Variants in GALNT17 observed in about 807,000 individuals in gnomAD.
GALNT17 encodes the protein polypeptide N-acetylgalactosaminyltransferase 17.
Under a neutral mutation model 63.7 loss-of-function variants are expected in GALNT17, and 29 were observed. The observed-to-expected ratio is 0.46, with a 90% CI of 0.34 to 0.62. GALNT17 has a LOEUF of 0.62. GALNT17 is among the 20% of genes least tolerant of loss of function. The pLI, the probability that GALNT17 is intolerant of heterozygous loss-of-function variation, is 0.01. For synonymous variants in GALNT17, 305 were observed against 318.3 expected (o/e 0.96, Z 0.45); for missense variants, 603 against 799.6 (o/e 0.75, Z 2.97).
At chr7:71,260,455 G>A (rs187465405) in intron 1 of GALNT17, among the ~76,000 whole-genome samples, 1 of 152,158 alleles carries the variant, frequency 6.6e-6, no homozygotes, top group African/African-American at 2.4e-5. Context: ...TTTGCCAAGG[G>A]AAATGGGGAA....
At chr7:71,504,953 C>A (rs375618720) in intron 5 of GALNT17, among the ~76,000 whole-genome samples, 38 of 152,112 alleles carry the variant, frequency 2.5e-4, no homozygotes, top group African/African-American at 9.2e-4. Context: ...TTGCTTTCAT[C>A]CCCTCCTGAC....
chr7:71,194,189 G>GT (rs943043438), intron 1 of GALNT17, among the ~76,000 whole-genome samples: 1 of 152,018 alleles, frequency 6.6e-6, no homozygotes, highest in African/African-American at 2.4e-5. Context: ...GGGACTACAG[G>GT]TACACACCAT....
At chr7:71,600,236 C>CTAA (rs1789946114) in intron 6 of GALNT17, among the ~76,000 whole-genome samples, 1 of 126,938 alleles carries the variant, frequency 7.9e-6, no homozygotes, top group Admixed American at 8.1e-5. Flanking sequence ...GGAAGGAAGG[C>CTAA]AATTAGGGAA....
At chr7:71,283,131 A>T (rs1416165975) in intron 1 of GALNT17, among the ~76,000 whole-genome samples, 2 of 129,906 alleles carry the variant, frequency 1.5e-5, no homozygotes, top group Non-Finnish European at 3.2e-5. Flanking sequence ...TCCTAGGGTC[A>T]AGTGATCCTC....
intron 1 of GALNT17, among the ~76,000 whole-genome samples, chr7:71,219,413 G>A (rs1005742314): frequency 7.6e-6 from 1 of 132,154 alleles, no homozygotes; most frequent in Non-Finnish European, 1.8e-5. Context: ...TGTTTCCTCT[G>A]CCATCTCTGT....
chr7:71,320,824 C>A (rs1285648048), intron 1 of GALNT17, among the ~76,000 whole-genome samples: 1 of 152,112 alleles, frequency 6.6e-6, no homozygotes. Context: ...TCTTCCTTAT[C>A]CTTCTGATTT....
At chr7:71,170,729 T>C (rs1788533000) in intron 1 of GALNT17, among the ~76,000 whole-genome samples, 1 of 152,136 alleles carries the variant, frequency 6.6e-6, no homozygotes. Context: ...ATTTTAACAC[T>C]GGCAAAGGGA....
chr7:71,411,200 A>C (rs902090800), intron 3 of GALNT17, among the ~76,000 whole-genome samples: 6 of 152,024 alleles, frequency 3.9e-5, no homozygotes, highest in Non-Finnish European at 8.8e-5. Context: ...AGCTCACTGC[A>C]ACCCCTGCCC....
chr7:71,406,657 G>A (rs768026948), intron 3 of GALNT17, among the ~76,000 whole-genome samples: 3 of 151,638 alleles, frequency 2.0e-5, no homozygotes, highest in Non-Finnish European at 2.9e-5. Context: ...AATAGTCTTT[G>A]TAGGGCTGCT....
chr7:71,432,488 T>C (rs1786885730), intron 5 of GALNT17, among the ~76,000 whole-genome samples: 1 of 152,148 alleles, frequency 6.6e-6, no homozygotes, highest in Non-Finnish European at 1.5e-5. Context: ...AAGACACTCT[T>C]ATCAGGTAGG....
chr7:71,665,622 C>A, intron 7 of GALNT17, 26 bp downstream of exon 7: 1 of 1,601,696 alleles, frequency 6.2e-7, no homozygotes, highest in Admixed American at 1.8e-5. Flanking sequence ...CTTTCCCCAC[C>A]ACCCCAGTAC....
chr7:71,299,019 G>T (rs542777442), intron 1 of GALNT17, among the ~76,000 whole-genome samples: 1 of 152,004 alleles, frequency 6.6e-6, no homozygotes, highest in Admixed American at 6.6e-5. Context: ...ACTGACTATC[G>T]GAGTTCCAAA....
chr7:71,191,314 T>C (rs1788947973), intron 1 of GALNT17, among the ~76,000 whole-genome samples: 1 of 152,044 alleles, frequency 6.6e-6, no homozygotes. Flanking sequence ...TGCATATATA[T>C]TCTTTTGTCT....
intron 1 of GALNT17, among the ~76,000 whole-genome samples, chr7:71,176,378 G>A (rs1788639112): frequency 6.6e-6 from 1 of 152,058 alleles, no homozygotes; most frequent in Non-Finnish European, 1.5e-5. Context: ...CCCGTCCAGG[G>A]GCTAAAGTGG....
At chr7:71,282,725 A>G (rs1790800117) in intron 1 of GALNT17, among the ~76,000 whole-genome samples, 1 of 150,868 alleles carries the variant, frequency 6.6e-6, no homozygotes, top group Non-Finnish European at 1.5e-5. Context: ...GTCTGCTTCT[A>G]TGGGGAGGGT....
At chr7:71,358,949 A>G (rs901534282) in intron 2 of GALNT17, among the ~76,000 whole-genome samples, 3 of 151,640 alleles carry the variant, frequency 2.0e-5, no homozygotes, top group African/African-American at 4.8e-5. Context: ...ACTTTTTTGG[A>G]GTTTTAGTAG....
At chr7:71,470,612 G>A (rs1787612218) in intron 5 of GALNT17, among the ~76,000 whole-genome samples, 1 of 152,038 alleles carries the variant, frequency 6.6e-6, no homozygotes, top group South Asian at 2.1e-4. Context: ...TGCAACCTAG[G>A]CAGGGATTTA....
chr7:71,215,670 A>G (rs1310367383), intron 1 of GALNT17, among the ~76,000 whole-genome samples: 1 of 151,990 alleles, frequency 6.6e-6, no homozygotes, highest in Non-Finnish European at 1.5e-5. Context: ...ATGTCATGTC[A>G]CCTGTAAATG....
chr7:71,488,085 G>A (rs777721956), intron 5 of GALNT17, among the ~76,000 whole-genome samples: 7 of 151,180 alleles, frequency 4.6e-5, no homozygotes, highest in South Asian at 2.1e-4. Flanking sequence ...CGGAAGGATC[G>A]CTTGAGTCCA....
Sources: gnomAD v4.1 joint callset for allele counts (sites outside exome capture counted in the v4.1 genomes callset) on GRCh38, gnomAD v4.1.1 for gene constraint, MANE v1.5 for transcripts, NCBI Gene and HGNC (gene_info 2026-07-23, HGNC 2026-07-21) for gene names.